Variants in GRB2 observed in about 807,000 individuals in gnomAD.
GRB2 encodes growth factor receptor bound protein 2.
Under a neutral mutation model 27.4 loss-of-function variants are expected in GRB2, and 2 were observed. That is an observed-to-expected ratio of 0.07 (90% CI 0.03 to 0.23). The LOEUF (loss-of-function observed/expected upper bound fraction) is 0.23. Ranked by LOEUF, GRB2 falls within the 10% of genes least tolerant of loss-of-function variation. The pLI is 1.00. For missense variants in GRB2, 102 were observed against 282.4 expected, an observed-to-expected ratio of 0.36 and a Z score of 4.58; for synonymous variants, 94 against 99.6, an observed-to-expected ratio of 0.94 and a Z score of 0.33.
Position 75,404,303 on chromosome 17 carries a change from C to T in GRB2, c.-138+1186G>A, listed in dbSNP as rs189373773. ...ATGAATTCAATCTTTTGAGCCTCCC[C>T]GTTCTCAGAGAGGGGACTTCAGCCT... On this transcript the variant is annotated intron_variant, in intron 1 of 5. Transcript: ENST00000316804. 3.9e-5 allele frequency among the ~76,000 whole-genome samples: 6 copies of T among 152,202 alleles called. No individual in the cohort carries two copies. The East Asian group carries it at 1.2e-3, about 29-fold the overall frequency.
intron 2 of GRB2, among the ~76,000 whole-genome samples, chr17:75,356,657 C>T (rs2078735776): frequency 2.0e-5 from 3 of 152,280 alleles, no homozygotes; most frequent in South Asian, 2.1e-4. Flanking sequence ...AGCACGATTC[C>T]GCTCGTACCA....
chr17:75,381,445 C>G (rs1009946325), intron 2 of GRB2, among the ~76,000 whole-genome samples: 3 of 151,846 alleles, frequency 2.0e-5, no homozygotes, highest in Non-Finnish European at 2.9e-5. Context: ...AATAAAGATA[C>G]GGCTGGGTAC....
intron 2 of GRB2, among the ~76,000 whole-genome samples, chr17:75,375,352 C>G (rs1386480971): frequency 6.6e-6 from 1 of 150,606 alleles, no homozygotes; most frequent in Non-Finnish European, 1.5e-5. Context: ...TGATGAATTT[C>G]ATGGTAGTTA....
Position 75,373,918 on chromosome 17 carries a change from C to T in GRB2, c.78+19633G>A, listed in dbSNP as rs975461102. 4.7e-5 allele frequency among the ~76,000 whole-genome samples: 7 copies of T among 150,212 alleles called. No homozygotes were observed. The Admixed American group carries it at 4.7e-4, about 10-fold the overall frequency. ...ATGCCATTCTCCTGCCTCAGCCTCC[C>T]GAGTAGCTGGGACTACAGGCGCCCG... is the stretch of plus-strand genomic sequence containing the variant. On this transcript the variant is annotated intron_variant, in intron 2 of 5. Transcript: ENST00000316804.
chr17:75,392,372 C>T (rs2079003876), intron 2 of GRB2, among the ~76,000 whole-genome samples: 2 of 152,208 alleles, frequency 1.3e-5, no homozygotes, highest in Non-Finnish European at 2.9e-5. Flanking sequence ...GCATCATCTT[C>T]TATGAGGCTC....
Position 75,332,011 on chromosome 17 carries a change from C to G in GRB2, c.176+689G>C, listed in dbSNP as rs150658036. ...CTAGTCTGAGCGTGGAAAGCCTCAG[C>G]TCCCCTGACACACTTGTAAGGCAAG... On this transcript the variant is annotated intron_variant, in intron 3 of 5. Transcript: ENST00000316804. 1.9e-3 allele frequency among the ~76,000 whole-genome samples: 291 copies of G among 152,210 alleles called. 2 individuals carry two copies. The South Asian group carries it at 0.022, about 11-fold the overall frequency.
chr17:75,339,949 C>T (rs970125105), intron 2 of GRB2, among the ~76,000 whole-genome samples: 2 of 152,192 alleles, frequency 1.3e-5, no homozygotes, highest in Admixed American at 6.5e-5. Context: ...ATTTTCTATA[C>T]AAATTATAGA....
chr17:75,331,837 CAG>C (rs2078543265), intron 3 of GRB2, among the ~76,000 whole-genome samples: 1 of 152,164 alleles, frequency 6.6e-6, no homozygotes, highest in East Asian at 1.9e-4. Flanking sequence ...CTGAAGGAAA[CAG>C]AAGTACACAA....
rs751121708 is a variant in GRB2, at chr17:75,393,536, G to A, written c.78+15C>T. 4 of 1,604,610 alleles carry A rather than the reference G, an allele frequency of 2.5e-6. No homozygotes were observed. Among genetic ancestry groups the A allele is most frequent in the South Asian group, 1.1e-5 (1 of 90,886 alleles). On this transcript the variant is annotated intron_variant, in intron 2 of 5. Coordinates refer to ENST00000316804, the MANE Select transcript of GRB2 (RefSeq NM_002086.5). The stretch of plus-strand genomic sequence containing the variant: ...GGAGAGCGATCTCAGCATTGTGCTC[G>A]GCATCAGCACTTACCTTGAGGATGT...
intron 2 of GRB2, among the ~76,000 whole-genome samples, chr17:75,367,946 G>A (rs1479460664): frequency 2.6e-5 from 4 of 151,730 alleles, no homozygotes; most frequent in African/African-American, 9.7e-5. Flanking sequence ...GCAGTGGCAC[G>A]ATGTCGGCTC....
At chr17:75,394,911 A>G (rs1159386752) in intron 1 of GRB2, 1 of 152,234 alleles carries the variant, frequency 6.6e-6, no homozygotes, top group African/African-American at 2.4e-5. Context: ...CCAGCCATGA[A>G]TATAGGACAC....
At position 75,320,937 on chromosome 17, in the gene GRB2, G is replaced by C. The variant is rs774532884; in HGVS notation, c.469-384C>G. Among the ~76,000 whole-genome samples, 1 of 152,232 alleles carries C rather than the reference G, an allele frequency of 6.6e-6. No homozygotes were observed. Among genetic ancestry groups the C allele is most frequent in the Admixed American group, 6.5e-5 (1 of 15,272 alleles). ...CACCCTTAAGGTATTAAAGCCTAAA[G>C]TTCTGGAGCTCGAATAACATAAGGG... On this transcript the variant is annotated intron_variant, in intron 5 of 5. Coordinates refer to ENST00000316804, the MANE Select transcript of GRB2 (RefSeq NM_002086.5). The surrounding 1 kb of genome is among the most constrained non-coding windows in gnomAD (Gnocchi z 4.3).
At position 75,321,653 on chromosome 17, in the gene GRB2, G is replaced by A. The variant is rs1335751276; in HGVS notation, c.468+6C>T. ...AATGATCCCATCTCACCCTGATGAG[G>A]CTTACCTGTGGCACCTGTTCTATGT... On this transcript the variant is annotated splice_donor_region_variant and intron_variant, in intron 5 of 5. Coordinates refer to ENST00000316804, the MANE Select transcript of GRB2 (RefSeq NM_002086.5). 6.2e-7 allele frequency: 1 copy of A among 1,613,480 alleles called. No homozygotes were observed. Among genetic ancestry groups the A allele is most frequent in the East Asian group, 2.2e-5 (1 of 44,892 alleles).
At chr17:75,358,894 A>G (rs1466396265) in intron 2 of GRB2, among the ~76,000 whole-genome samples, 1 of 77,058 alleles carries the variant, frequency 1.3e-5, no homozygotes, top group Non-Finnish European at 3.5e-5. Flanking sequence ...AAAAAAAAAA[A>G]AAAATTATAT....
chr17:75,355,623 A>T (rs1361632582), intron 2 of GRB2, among the ~76,000 whole-genome samples: 1 of 151,654 alleles, frequency 6.6e-6, no homozygotes, highest in Admixed American at 6.6e-5. Context: ...AAAAAAAAAA[A>T]AGCAAAAAAA....
At chr17:75,393,908 C>CG (rs1446939170) in intron 1 of GRB2, 143 bp from the exon 2 acceptor site, 3 of 486,860 alleles carry the variant, frequency 6.2e-6, no homozygotes, top group Non-Finnish European at 1.1e-5. Context: ...CAACAGCCCC[C>CG]CCCCGCCGAC....
At chr17:75,321,580 C>A (rs2078460321) in intron 5 of GRB2, 79 bp downstream of exon 5, 1 of 1,365,466 alleles carries the variant, frequency 7.3e-7, no homozygotes, top group Non-Finnish European at 1.0e-6. Flanking sequence ...TGAGGGGCGC[C>A]TCCCCTTTCC....
Position 75,320,234 on chromosome 17 carries a change from G to A in GRB2, c.*134C>T. On this transcript the variant is annotated 3_prime_UTR_variant, in exon 6 of 6. Transcript: ENST00000316804. This position sits in a 1 kb window ranked among gnomAD's most constrained non-coding sequence, Gnocchi z 4.3. ...CACCCCCTAAAGTTCCAACCAAAGT[G>A]AGAGGGTCACAGGGTGACCCGGCCA... is the stretch of plus-strand genomic sequence containing the variant. 1.4e-6 allele frequency: 1 copy of A among 698,714 alleles called. No individual in the cohort carries two copies. The highest frequency in any genetic ancestry group is 2.2e-5 in the South Asian group (1 of 44,496). The allele number at this position is 698,714 out of a possible 1,614,324, so 43.3% of individuals were successfully genotyped here. A position where few individuals can be genotyped will look rare whatever the true frequency, so the allele number is the denominator to read the frequency against.
chr17:75,393,467 CTTCT>C (rs1258085516), intron 2 of GRB2, 80 bp downstream of exon 2: 19 of 1,043,754 alleles, frequency 1.8e-5, no homozygotes, highest in Non-Finnish European at 2.9e-5. Context: ...AAAAACACAG[CTTCT>C]TTGTGTGTAA....
Sources: gnomAD v4.1 joint callset for allele counts (sites outside exome capture counted in the v4.1 genomes callset) on GRCh38, gnomAD v4.1.1 for gene constraint, Gnocchi (gnomAD v3.1) non-coding constraint, MANE v1.5 for transcripts, NCBI Gene and HGNC (gene_info 2026-07-23, HGNC 2026-07-21) for gene names.